Variants in BDNF observed in about 807,000 individuals in gnomAD.
The protein encoded by BDNF is brain derived neurotrophic factor, also known as neurotrophic factor BDNF precursor form.
Under a neutral mutation model 19.5 loss-of-function variants are expected in BDNF, and 1 was observed. The ratio of observed to expected loss-of-function variants is 0.05; its 90% CI spans 0.02 to 0.24. The LOEUF is 0.24. BDNF is among the 10% of genes least tolerant of loss of function. The pLI, the probability that BDNF is intolerant of heterozygous loss-of-function variation, is 1.00. For synonymous variants in BDNF, 100 were observed against 121.6 expected, an observed-to-expected ratio of 0.82 and a Z score of 1.17; for missense variants, 195 against 317.6, an observed-to-expected ratio of 0.61 and a Z score of 2.93.
At chr11:27,659,803 C>T (rs1212794671) in intron 1 of BDNF, 1 of 558,530 alleles carries the variant, frequency 1.8e-6, no homozygotes, top group Non-Finnish European at 2.3e-6. Context: ...TTAATCTCTT[C>T]CTGTTTGCCA....
intron 1 of BDNF, among the ~76,000 whole-genome samples, chr11:27,680,615 A>G (rs376057969): frequency 6.6e-6 from 1 of 152,212 alleles, no homozygotes; most frequent in Non-Finnish European, 1.5e-5. Flanking sequence ...AGAGCCACCT[A>G]CTATGTATGT....
intron 1 of BDNF, among the ~76,000 whole-genome samples, chr11:27,671,138 C>T (rs919725128): frequency 2.0e-5 from 3 of 151,968 alleles, no homozygotes; most frequent in Admixed American, 1.3e-4. Flanking sequence ...TGGGGAACAT[C>T]ACACACTGGG....
intron 1 of BDNF, among the ~76,000 whole-genome samples, chr11:27,666,232 AAG>A (rs1202517272): frequency 6.6e-6 from 1 of 152,240 alleles, no homozygotes; most frequent in Non-Finnish European, 1.5e-5. Context: ...AAAACTAACA[AAG>A]AGAAAGAACA....
chr11:27,672,086 T>C (rs968080999), intron 1 of BDNF, among the ~76,000 whole-genome samples: 10 of 152,170 alleles, frequency 6.6e-5, no homozygotes, highest in Admixed American at 3.9e-4. Flanking sequence ...TGGGAAAATA[T>C]CTTTGCTTTT....
chr11:27,670,238 C>T (rs1855126831), intron 1 of BDNF, among the ~76,000 whole-genome samples: 2 of 152,198 alleles, frequency 1.3e-5, no homozygotes, highest in South Asian at 4.1e-4. Flanking sequence ...CCCTTCTTTA[C>T]ACCTTATACA....
At chr11:27,705,651 C>CT (rs1233250544) in intron 1 of BDNF, among the ~76,000 whole-genome samples, 1 of 152,180 alleles carries the variant, frequency 6.6e-6, no homozygotes, top group African/African-American at 2.4e-5. Context: ...CTCTTTCTAC[C>CT]TCCAGATAGC....
chr11:27,657,725 T>A lies in BDNF; in HGVS notation c.*96A>T. The A allele has an allele frequency of 6.4e-7, 1 of 1,555,958 alleles. No individual in the cohort carries two copies. Among genetic ancestry groups the A allele is most frequent in the Non-Finnish European group, 8.6e-7 (1 of 1,157,992 alleles). On this transcript the variant is annotated 3_prime_UTR_variant, in exon 2 of 2. Transcript: ENST00000356660. This position sits in a 1 kb window ranked among gnomAD's most constrained non-coding sequence, Gnocchi z 5.0. ...CATTTATACATGCAGTTCATAAAAT[T>A]ATTTTTTTCTTAACTGAATAATTTA...
At position 27,657,668 on chromosome 11, in the gene BDNF, TA is replaced by T. The variant is rs747480984; in HGVS notation, c.*152del. ...TCTGGTCATGGACATGTCCAATAAA[TA>T]GATTGTAGAACCACTGTACTGTATA... On this transcript the variant is annotated 3_prime_UTR_variant, in exon 2 of 2. Coordinates refer to ENST00000356660, the MANE Select transcript of BDNF (RefSeq NM_001709.5). This position sits in a 1 kb window ranked among gnomAD's most constrained non-coding sequence, Gnocchi z 5.0. The T allele has an allele frequency of 6.9e-7, 1 of 1,445,020 alleles. No homozygotes were observed. 89.5% of individuals were successfully genotyped at this position (1,445,020 alleles called of 1,614,324 possible).
Position 27,700,374 on chromosome 11 carries a change from T to C in BDNF, c.-232A>G. On this transcript the variant is annotated 5_prime_UTR_variant, in exon 1 of 2. Transcript: ENST00000356660. Reference sequence around the variant, plus strand: ...TGTCCGGCCCGGGAGCCCGAGGCGCTACGGGGTGCGCGGGACAGCGAGCGG... The same window carrying C: ...TGTCCGGCCCGGGAGCCCGAGGCGCCACGGGGTGCGCGGGACAGCGAGCGG... 1.0e-6 allele frequency: 1 copy of C among 985,436 alleles called. No homozygotes were observed. Among genetic ancestry groups the C allele is most frequent in the Non-Finnish European group, 1.2e-6 (1 of 829,914 alleles). 61.0% of individuals were successfully genotyped at this position (985,436 alleles called of 1,614,324 possible).
chr11:27,667,249 C>A (rs1254733561), intron 1 of BDNF, among the ~76,000 whole-genome samples: 2 of 152,042 alleles, frequency 1.3e-5, no homozygotes, highest in African/African-American at 4.8e-5. Context: ...GCCTGCCTTA[C>A]AAGAGCTCCT....
At chr11:27,666,359 C>T (rs1246800206) in intron 1 of BDNF, among the ~76,000 whole-genome samples, 1 of 152,186 alleles carries the variant, frequency 6.6e-6, no homozygotes, top group Non-Finnish European at 1.5e-5. Context: ...AATCAGAGCA[C>T]GTCTTCTCCT....
chr11:27,656,785 G>A lies in BDNF; in HGVS notation c.*1036C>T, dbSNP rs1852605348. On this transcript the variant is annotated 3_prime_UTR_variant, in exon 2 of 2. Transcript: ENST00000356660. ...CTCATAAAAAATAATCTTCATTTTG[G>A]GGTTATTTTTTGTTGTTTTCTGTTC... is the stretch of plus-strand genomic sequence containing the variant. The A allele has an allele frequency of 2.0e-6, 2 of 985,016 alleles. No homozygotes were observed. The highest frequency in any genetic ancestry group is 2.4e-6 in the Non-Finnish European group (2 of 829,826). 61.0% of individuals were successfully genotyped at this position (985,016 alleles called of 1,614,324 possible).
upstream of BDNF, among the ~76,000 whole-genome samples, chr11:27,703,807 A>T (rs191212386): frequency 6.6e-6 from 1 of 152,266 alleles, no homozygotes; most frequent in East Asian, 1.9e-4. Flanking sequence ...ACTTGTAAGC[A>T]TTTCCAAACT....
At chr11:27,665,997 C>T (rs1321934260) in intron 1 of BDNF, among the ~76,000 whole-genome samples, 2 of 152,186 alleles carry the variant, frequency 1.3e-5, no homozygotes, top group South Asian at 2.1e-4. Flanking sequence ...CCCTGAGTAG[C>T]CTAACTGGGA....
At chr11:27,721,292 C>T (rs1860734263) in intron 1 of BDNF, 1 of 1,189,948 alleles carries the variant, frequency 8.4e-7, no homozygotes, top group Non-Finnish European at 1.3e-6. Context: ...ACCCGATTCC[C>T]CTGGCCTGAG....
At chr11:27,663,149 G>C (rs1001212676) in intron 1 of BDNF, among the ~76,000 whole-genome samples, 1 of 152,180 alleles carries the variant, frequency 6.6e-6, no homozygotes, top group African/African-American at 2.4e-5. Flanking sequence ...AATAATAAAA[G>C]ATTAAGTAAG....
chr11:27,660,820 C>T (rs934939957), intron 1 of BDNF, among the ~76,000 whole-genome samples: 1 of 149,800 alleles, frequency 6.7e-6, no homozygotes, highest in Non-Finnish European at 1.5e-5. Flanking sequence ...TACATATTTA[C>T]TAAGTGCCCA....
chr11:27,705,094 C>CA (rs1188533548), upstream of BDNF, among the ~76,000 whole-genome samples: 24 of 152,140 alleles, frequency 1.6e-4, no homozygotes, highest in African/African-American at 5.3e-4. Flanking sequence ...ACTAAACCCC[C>CA]AAACATATGA....
chr11:27,700,525 C>G, upstream of BDNF: 5 of 428,904 alleles, frequency 1.2e-5, no homozygotes, highest in African/African-American at 5.0e-5. Flanking sequence ...GCGCCGCCCC[C>G]CCCCCCCCGC....
Sources: allele counts gnomAD v4.1 joint callset (sites outside exome capture counted in the v4.1 genomes callset), GRCh38; gene constraint gnomAD v4.1.1; non-coding constraint Gnocchi (gnomAD v3.1); transcripts MANE v1.5; gene names NCBI Gene and HGNC (gene_info 2026-07-23, HGNC 2026-07-21).